Variants in LYRM7 observed in about 807,000 individuals in gnomAD.
LYRM7 encodes LYR motif containing 7.
Under a neutral mutation model 15.8 loss-of-function variants are expected in LYRM7, and 9 were observed. That is an observed-to-expected ratio of 0.57 (90% CI 0.34 to 0.99). The LOEUF (loss-of-function observed/expected upper bound fraction) is 0.99, where lower values mean the gene tolerates loss of function less well. Ranked by LOEUF, LYRM7 falls within the 50% of genes least tolerant of loss-of-function variation. The probability of loss-of-function intolerance (pLI) is 0.02; values close to 1 mark genes in which losing one functional copy is unlikely to be tolerated. For missense variants in LYRM7, 115 were observed against 119.1 expected (o/e 0.97, Z 0.16); for synonymous variants, 39 against 39.4 (o/e 0.99, Z 0.04).
rs138270242 is a variant in LYRM7 at position 131,186,520 on chromosome 5, G to C, written c.163-508G>C. ...TCCTCAGTGGATGCCTCAAATCTCT[G>C]ATAGTACCAAATCCTATATACTATG... On this transcript the variant is annotated intron_variant, in intron 3 of 4. Coordinates refer to ENST00000379380, the MANE Select transcript of LYRM7 (RefSeq NM_181705.4). Among the ~76,000 whole-genome samples the C allele has an allele frequency of 6.0e-3, 920 of 152,296 alleles. 10 individuals are homozygous for C. The highest frequency in any genetic ancestry group is 0.021 in the African/African-American group (891 of 41,540).
chr5:131,193,202 C>G (rs930612234), intron 4 of LYRM7, among the ~76,000 whole-genome samples: 1 of 152,194 alleles, frequency 6.6e-6, no homozygotes, highest in Non-Finnish European at 1.5e-5. Flanking sequence ...CTAAAACTAT[C>G]TTATGGTTTG....
Position 131,200,815 on chromosome 5 carries a change from GTTAT to G in LYRM7, c.*1218_*1221del, listed in dbSNP as rs1756049490. 1 of 146,172 alleles carries G rather than the reference GTTAT, an allele frequency of 6.8e-6. No homozygotes were observed. Among genetic ancestry groups the G allele is most frequent in the African/African-American group, 2.8e-5 (1 of 35,958 alleles). The allele number at this position is 146,172 out of a possible 1,614,324, so 9.1% of individuals were successfully genotyped here. ...CATATTTTGAGGAAAGTTGGCTGAC[GTTAT>G]TTAAATTTAATATATATTCTATATT... On this transcript the variant is annotated 3_prime_UTR_variant, in exon 5 of 5. Transcript: ENST00000379380.
intron 1 of LYRM7, among the ~76,000 whole-genome samples, chr5:131,175,987 T>G (rs1225985680): frequency 6.6e-6 from 1 of 152,076 alleles, no homozygotes; most frequent in East Asian, 1.9e-4. Flanking sequence ...CTTGAACTCC[T>G]GTGCTCAAGC....
rs768761942 is a variant in LYRM7 at position 131,171,041 on chromosome 5, GAC to G, written c.18+5_18+6del. On this transcript the variant is annotated splice_donor_5th_base_variant and intron_variant, in intron 1 of 4. Transcript: ENST00000379380. ...GAGCCATGGGACGGGCAGTCAAGGT[GAC>G]AGGGCCCGGGAAGGGGTGGGTACGA... 6.5e-7 allele frequency: 1 copy of G among 1,530,808 alleles called. No individual in the cohort carries two copies. Among genetic ancestry groups the G allele is most frequent in the Non-Finnish European group, 8.7e-7 (1 of 1,149,036 alleles). 94.8% of individuals were successfully genotyped at this position (1,530,808 alleles called of 1,614,324 possible). A position where few individuals can be genotyped will look rare whatever the true frequency, so the allele number is the denominator to read the frequency against.
At chr5:131,181,433 T>TATATATGTATATATATATAAC (rs1755708578) in intron 2 of LYRM7, among the ~76,000 whole-genome samples, 1 of 119,548 alleles carries the variant, frequency 8.4e-6, no homozygotes, top group African/African-American at 3.9e-5. Flanking sequence ...ATATATAACA[T>TATATATGTATATATATATAAC]ATATATGTAT....
intron 2 of LYRM7, among the ~76,000 whole-genome samples, chr5:131,181,381 A>ATATATACATATATATTAT (rs552588384): frequency 1.3e-5 from 1 of 76,474 alleles, no homozygotes; most frequent in Non-Finnish European, 2.2e-5. Context: ...ATGTATATAT[A>ATATATACATATATATTAT]ATATATACAT....
intron 3 of LYRM7, among the ~76,000 whole-genome samples, chr5:131,185,143 A>G (rs1755777398): frequency 6.6e-6 from 1 of 152,052 alleles, no homozygotes; most frequent in South Asian, 2.1e-4. Flanking sequence ...CAGTACTTTT[A>G]AAAACAGAAT....
At chr5:131,183,966 G>GTTTTGT (rs918357825) in intron 3 of LYRM7, among the ~76,000 whole-genome samples, 6 of 151,750 alleles carry the variant, frequency 4.0e-5, no homozygotes, top group African/African-American at 1.5e-4. Context: ...TTTTGTTTTT[G>GTTTTGT]TTTTGTTTTT....
At chr5:131,176,166 C>T (rs908225660) in intron 1 of LYRM7, among the ~76,000 whole-genome samples, 5 of 152,206 alleles carry the variant, frequency 3.3e-5, no homozygotes, top group African/African-American at 1.2e-4. Flanking sequence ...TACTTTTTCA[C>T]TATTATGAAT....
intron 4 of LYRM7, among the ~76,000 whole-genome samples, chr5:131,195,589 C>T (rs1414617094): frequency 6.6e-6 from 1 of 152,166 alleles, no homozygotes; most frequent in Non-Finnish European, 1.5e-5. Context: ...CTGACTGGAA[C>T]TTACTATTCT....
At chr5:131,173,571 C>T (rs1755555860) in intron 1 of LYRM7, among the ~76,000 whole-genome samples, 1 of 152,136 alleles carries the variant, frequency 6.6e-6, no homozygotes, top group Non-Finnish European at 1.5e-5. Flanking sequence ...CAGTGAAACC[C>T]CGTCTCTACT....
intron 4 of LYRM7, 102 bp downstream of exon 4, chr5:131,187,211 G>C: frequency 1.5e-6 from 1 of 668,372 alleles, no homozygotes; most frequent in Non-Finnish European, 2.6e-6. Context: ...GCTTGATTTT[G>C]CCAGACAATA....
rs886455699 is a variant in LYRM7 at position 131,200,602 on chromosome 5, T to C, written c.*1001T>C. 9.8e-5 allele frequency: 15 copies of C among 152,372 alleles called. No individual in the cohort carries two copies. Among genetic ancestry groups the C allele is most frequent in the African/African-American group, 3.6e-4 (15 of 41,470 alleles). 9.4% of individuals were successfully genotyped at this position (152,372 alleles called of 1,614,324 possible). On this transcript the variant is annotated 3_prime_UTR_variant, in exon 5 of 5. Coordinates refer to ENST00000379380, the MANE Select transcript of LYRM7 (RefSeq NM_181705.4). Reference sequence around the variant, plus strand: ...GATAAATTCTCTCATTTGATGATGATACAGGGTTTTTAATTTTTGCAAGAT... The same window carrying C: ...GATAAATTCTCTCATTTGATGATGACACAGGGTTTTTAATTTTTGCAAGAT...
chr5:131,194,689 C>T (rs1025665238), intron 4 of LYRM7, among the ~76,000 whole-genome samples: 2 of 152,060 alleles, frequency 1.3e-5, no homozygotes, highest in South Asian at 2.1e-4. Context: ...TGGCAACATC[C>T]GAAGTGTAGC....
rs1165252598 is a variant in LYRM7 at position 131,199,994 on chromosome 5, A to G, written c.*393A>G. The G allele has an allele frequency of 6.5e-6, 1 of 153,396 alleles. No individual in the cohort carries two copies. Among genetic ancestry groups the G allele is most frequent in the Non-Finnish European group, 1.5e-5 (1 of 68,774 alleles). The allele number at this position is 153,396 out of a possible 1,614,324, so 9.5% of individuals were successfully genotyped here. On this transcript the variant is annotated 3_prime_UTR_variant, in exon 5 of 5. Coordinates refer to ENST00000379380, the MANE Select transcript of LYRM7 (RefSeq NM_181705.4). ...GCAATTATTACATTTAAATTGTTAG[A>G]TTAAAATGATATTTAGTCCTGAAAA...
At chr5:131,191,380 TATA>T (rs977486355) in intron 4 of LYRM7, among the ~76,000 whole-genome samples, 2 of 152,094 alleles carry the variant, frequency 1.3e-5, no homozygotes, top group East Asian at 1.9e-4. Flanking sequence ...TTCTAAAAAA[TATA>T]ATGTCTCAAA....
At position 131,199,567 on chromosome 5, in the gene LYRM7, T is replaced by C; in HGVS notation, c.281T>C (p.Val94Ala). The change falls in exon 5 of 5, where the codon GTG (valine) becomes GCG (alanine). Residue 94 changes from valine to alanine, a missense_variant. Transcript: ENST00000379380. ...AGGAAAGACCTTCTTGTAGAAAATGTGCCATATTGTGATGCACCAACTCAG... is the reference window on the plus strand; with the variant it reads ...AGGAAAGACCTTCTTGTAGAAAATGCGCCATATTGTGATGCACCAACTCAG... ...VPRKDLLVENVPYCDAPTQKQ is the reference protein window; with the variant it reads ...VPRKDLLVENAPYCDAPTQKQ 1 of 1,606,324 alleles carries C rather than the reference T, an allele frequency of 6.2e-7. No homozygotes were observed. Among genetic ancestry groups the C allele is most frequent in the East Asian group, 2.2e-5 (1 of 44,532 alleles).
chr5:131,171,275 T>C (rs1377981018), intron 1 of LYRM7, among the ~76,000 whole-genome samples: 1 of 152,110 alleles, frequency 6.6e-6, no homozygotes, highest in African/African-American at 2.4e-5. Context: ...AACTTGGTAC[T>C]CAGTGTTTAT....
At position 131,199,772 on chromosome 5, in the gene LYRM7, A is replaced by T. The variant is rs538450397; in HGVS notation, c.*171A>T. The T allele has an allele frequency of 9.4e-6, 4 of 427,210 alleles. No homozygotes were observed. In the South Asian group the frequency reaches 2.5e-4, roughly 27 times the overall value. The allele number at this position is 427,210 out of a possible 1,614,324, so 26.5% of individuals were successfully genotyped here. ...TTAAAAGGTCATTACTGAGAACTAA[A>T]GAACATAATTAAGTATTTCTAAAGG... On this transcript the variant is annotated 3_prime_UTR_variant, in exon 5 of 5. Coordinates refer to ENST00000379380, the MANE Select transcript of LYRM7 (RefSeq NM_181705.4).
Sources: allele counts gnomAD v4.1 joint callset (sites outside exome capture counted in the v4.1 genomes callset), GRCh38; gene constraint gnomAD v4.1.1; transcripts MANE v1.5; gene names NCBI Gene and HGNC (gene_info 2026-07-23, HGNC 2026-07-21).